Variants in PRR16 observed in about 807,000 individuals in gnomAD.
PRR16 encodes protein Largen.
In PRR16, 6 loss-of-function variants were observed where a neutral mutation model predicts 18.2. The observed-to-expected ratio is 0.33, with a 90% CI of 0.18 to 0.65. The LOEUF is 0.65. Among genes scored for constraint, PRR16 ranks in the 30% least tolerant of loss-of-function variants. The probability of loss-of-function intolerance (pLI) is 0.74; values close to 1 mark genes in which losing one functional copy is unlikely to be tolerated. For missense variants in PRR16, 412 were observed against 376.6 expected (o/e 1.09, Z -0.78); for synonymous variants, 151 against 147.8 (o/e 1.02, Z -0.16).
chr5:120,643,762 T>C (rs1209936217), intron 1 of PRR16, among the ~76,000 whole-genome samples: 1 of 152,066 alleles, frequency 6.6e-6, no homozygotes, highest in African/African-American at 2.4e-5. Flanking sequence ...TACAGCACTT[T>C]GGGAGGCCGA....
At chr5:120,756,323 G>A in the PRR16 span, among the ~76,000 whole-genome samples, 4 of 152,090 alleles carry the variant, frequency 2.6e-5, no homozygotes, top group African/African-American at 7.2e-5. Context: ...TGATTTAGTT[G>A]TAGGAAGTTG....
At chr5:120,727,561 T>C in the PRR16 span, among the ~76,000 whole-genome samples, 16 of 152,288 alleles carry the variant, frequency 1.1e-4, 1 homozygote, top group East Asian at 2.1e-3. Flanking sequence ...GAATATTGTT[T>C]AAACACTTGG....
chr5:120,653,870 C>A (rs1375808047), intron 1 of PRR16, among the ~76,000 whole-genome samples: 1 of 151,956 alleles, frequency 6.6e-6, no homozygotes, highest in Non-Finnish European at 1.5e-5. Context: ...TTAGCTTAAA[C>A]CTCTTTCATG....
chr5:120,519,512 A>G (rs1194403748), intron 1 of PRR16, among the ~76,000 whole-genome samples: 1 of 152,158 alleles, frequency 6.6e-6, no homozygotes, highest in African/African-American at 2.4e-5. Flanking sequence ...TATCATGAGC[A>G]TTCTACTTCA....
At chr5:120,733,772 A>T in the PRR16 span, among the ~76,000 whole-genome samples, 2 of 152,140 alleles carry the variant, frequency 1.3e-5, no homozygotes, top group South Asian at 4.1e-4. Flanking sequence ...AGTTTCTAAA[A>T]ATTTTTGTAA....
chr5:120,744,818 A>G, the PRR16 span, among the ~76,000 whole-genome samples: 1 of 152,166 alleles, frequency 6.6e-6, no homozygotes, highest in South Asian at 2.1e-4. Flanking sequence ...TGTGGTTTGC[A>G]TGTATTTGAG....
the PRR16 span, among the ~76,000 whole-genome samples, chr5:120,784,320 C>T: frequency 6.6e-6 from 1 of 152,242 alleles, no homozygotes; most frequent in African/African-American, 2.4e-5. Flanking sequence ...ATTTACATTC[C>T]TACCAACAGT....
intron 1 of PRR16, among the ~76,000 whole-genome samples, chr5:120,527,304 T>C (rs1751405378): frequency 6.6e-6 from 1 of 152,206 alleles, no homozygotes; most frequent in African/African-American, 2.4e-5. Context: ...TTCGTGTGGT[T>C]AGTGTTTTCC....
intron 1 of PRR16, among the ~76,000 whole-genome samples, chr5:120,631,756 C>G (rs192084122): frequency 6.6e-6 from 1 of 152,246 alleles, no homozygotes; most frequent in East Asian, 1.9e-4. Context: ...CCTCTACCCA[C>G]CCTGGTAGCC....
At chr5:120,637,323 A>C (rs990656128) in intron 1 of PRR16, among the ~76,000 whole-genome samples, 15 of 148,968 alleles carry the variant, frequency 1.0e-4, no homozygotes, top group African/African-American at 3.4e-4. Flanking sequence ...TACGGAAAAA[A>C]AAAAAAAAAA....
At chr5:120,577,437 G>A (rs1753116603) in intron 1 of PRR16, among the ~76,000 whole-genome samples, 1 of 151,578 alleles carries the variant, frequency 6.6e-6, no homozygotes, top group African/African-American at 2.4e-5. Context: ...TACTAGTTCA[G>A]TTTTGAGGAA....
the PRR16 span, among the ~76,000 whole-genome samples, chr5:120,701,858 C>T: frequency 4.6e-5 from 7 of 152,092 alleles, no homozygotes; most frequent in Non-Finnish European, 1.0e-4. Context: ...TATTTCATGA[C>T]AAGAATTATT....
chr5:120,541,253 C>T (rs1751905513), intron 1 of PRR16, among the ~76,000 whole-genome samples: 1 of 152,126 alleles, frequency 6.6e-6, no homozygotes, highest in Admixed American at 6.5e-5. Flanking sequence ...TCAAGTGATT[C>T]TCCTGCCTCA....
Position 120,511,265 on chromosome 5 carries a change from A to C in PRR16, c.159+46620A>C, listed in dbSNP as rs573887547. ...AATCTAAGGTAACTTAATTCATGCA[A>C]ATAAAGTTTTGTCTGTCACTGGGAC... On this transcript the variant is annotated intron_variant, in intron 1 of 1. Coordinates refer to ENST00000407149, the MANE Select transcript of PRR16 (RefSeq NM_001300783.2). Among the ~76,000 whole-genome samples, 449 of 152,262 alleles carry C rather than the reference A, an allele frequency of 2.9e-3. 2 individuals are homozygous for C. Among genetic ancestry groups the C allele is most frequent in the African/African-American group, 0.01 (422 of 41,538 alleles).
the PRR16 span, among the ~76,000 whole-genome samples, chr5:120,772,483 C>T: frequency 1.3e-5 from 2 of 151,710 alleles, no homozygotes; most frequent in African/African-American, 2.4e-5. Flanking sequence ...TGAGATATAC[C>T]GTTAATGTAA....
chr5:120,535,133 A>T (rs941901995), intron 1 of PRR16, among the ~76,000 whole-genome samples: 2 of 151,660 alleles, frequency 1.3e-5, no homozygotes, highest in African/African-American at 4.8e-5. Context: ...GCTGTTGTCT[A>T]TTGCTTTGCT....
intron 1 of PRR16, among the ~76,000 whole-genome samples, chr5:120,507,278 T>A (rs1011294045): frequency 2.6e-5 from 4 of 152,182 alleles, no homozygotes; most frequent in African/African-American, 9.6e-5. Context: ...TTATGTTATA[T>A]ATACCTATGC....
the PRR16 span, among the ~76,000 whole-genome samples, chr5:120,762,120 A>G: frequency 6.6e-6 from 1 of 152,108 alleles, no homozygotes; most frequent in African/African-American, 2.4e-5. Context: ...TCGTTGATGG[A>G]CAGTTAGGCT....
At chr5:120,540,198 T>C (rs558145815) in intron 1 of PRR16, among the ~76,000 whole-genome samples, 2 of 152,326 alleles carry the variant, frequency 1.3e-5, no homozygotes, top group South Asian at 2.1e-4. Flanking sequence ...TCCATTTTTT[T>C]GTTCTTGGAG....
Sources: gnomAD v4.1 joint callset for allele counts (sites outside exome capture counted in the v4.1 genomes callset) on GRCh38, gnomAD v4.1.1 for gene constraint, MANE v1.5 for transcripts, NCBI Gene and HGNC (gene_info 2026-07-23, HGNC 2026-07-21) for gene names.